Variants in BRD10 observed in about 807,000 individuals in gnomAD.
BRD10 encodes the protein bromodomain containing 10, also known as uncharacterized bromodomain-containing protein 10.
At chr9:5,952,502 GTGC>G in the BRD10 span, among the ~76,000 whole-genome samples, 2 of 152,136 alleles carry the variant, frequency 1.3e-5, no homozygotes, top group Admixed American at 6.5e-5. Context: ...ATATGTAATT[GTGC>G]TGATTTCTTT....
the BRD10 span, among the ~76,000 whole-genome samples, chr9:6,008,420 T>C: frequency 6.6e-6 from 1 of 151,602 alleles, no homozygotes; most frequent in Non-Finnish European, 1.5e-5. Flanking sequence ...GCCCCCCGGC[T>C]GGGAAGAGCT....
chr9:5,915,082 C>T, the BRD10 span, among the ~76,000 whole-genome samples: 13 of 152,106 alleles, frequency 8.5e-5, no homozygotes, highest in African/African-American at 3.1e-4. Flanking sequence ...GGAGGTAACA[C>T]TTTGTTCATG....
At chr9:5,919,619 T>C in the BRD10 span, 1 of 1,383,662 alleles carries the variant, frequency 7.2e-7, no homozygotes, top group South Asian at 1.5e-5. Context: ...TAATAAACAT[T>C]GAAAATTTTT....
chr9:5,932,931 T>C, the BRD10 span, among the ~76,000 whole-genome samples: 4 of 152,148 alleles, frequency 2.6e-5, no homozygotes, highest in Non-Finnish European at 4.4e-5. Flanking sequence ...ATAATTAAAA[T>C]AATAATGACC....
At chr9:6,008,455 C>A in the BRD10 span, among the ~76,000 whole-genome samples, 1 of 151,960 alleles carries the variant, frequency 6.6e-6, no homozygotes, top group Non-Finnish European at 1.5e-5. Flanking sequence ...AGAAAGAGGC[C>A]CTGTCGCCAT....
At chr9:5,952,386 T>C in the BRD10 span, among the ~76,000 whole-genome samples, 10 of 152,244 alleles carry the variant, frequency 6.6e-5, no homozygotes, top group African/African-American at 2.4e-4. Flanking sequence ...AGCAACACAT[T>C]TTACAATGCA....
At chr9:5,966,355 G>T in the BRD10 span, among the ~76,000 whole-genome samples, 6,840 of 151,472 alleles carry the variant, frequency 0.045, 412 homozygotes, top group African/African-American at 0.14. Flanking sequence ...AACAATAAAG[G>T]GTTCTGGGTT....
At chr9:5,997,314 A>AT in the BRD10 span, among the ~76,000 whole-genome samples, 1 of 152,204 alleles carries the variant, frequency 6.6e-6, no homozygotes, top group African/African-American at 2.4e-5. Context: ...CAAACTAGTG[A>AT]TTTTTATTGT....
the BRD10 span, among the ~76,000 whole-genome samples, chr9:5,974,944 T>G: frequency 6.6e-6 from 1 of 152,168 alleles, no homozygotes; most frequent in Non-Finnish European, 1.5e-5. Flanking sequence ...ATAATAAAGC[T>G]GTTTCCAACT....
chr9:5,951,843 C>T, the BRD10 span, among the ~76,000 whole-genome samples: 508 of 152,094 alleles, frequency 3.3e-3, 3 homozygotes, highest in African/African-American at 0.011. Context: ...AGACAGTTGC[C>T]AAGTTTCTTT....
At chr9:5,916,868 C>G in the BRD10 span, among the ~76,000 whole-genome samples, 1 of 152,054 alleles carries the variant, frequency 6.6e-6, no homozygotes, top group East Asian at 1.9e-4. Flanking sequence ...TTTACAGAAC[C>G]CTTAATAACA....
the BRD10 span, chr9:6,008,398 G>C: frequency 1.5e-6 from 1 of 673,514 alleles, no homozygotes; most frequent in African/African-American, 1.9e-5. Context: ...GAGAGAAGGG[G>C]GAGGGCACTC....
chr9:5,949,756 T>A, the BRD10 span, among the ~76,000 whole-genome samples: 2 of 152,184 alleles, frequency 1.3e-5, no homozygotes, highest in Non-Finnish European at 2.9e-5. Context: ...TAAAAATACT[T>A]CCTGTAACTT....
chr9:5,995,056 C>T, the BRD10 span, among the ~76,000 whole-genome samples: 6 of 152,112 alleles, frequency 3.9e-5, no homozygotes, highest in Non-Finnish European at 2.9e-5. Flanking sequence ...TATGCCACCA[C>T]GCCCGGCTAA....
the BRD10 span, among the ~76,000 whole-genome samples, chr9:5,998,752 C>T: frequency 6.6e-6 from 1 of 151,916 alleles, no homozygotes; most frequent in South Asian, 2.1e-4. Context: ...TAAAATAAGT[C>T]TTGGATATGA....
At chr9:5,993,311 T>C in the BRD10 span, among the ~76,000 whole-genome samples, 8 of 45,866 alleles carry the variant, frequency 1.7e-4, no homozygotes, top group Non-Finnish European at 1.0e-4. Flanking sequence ...TGAGACTCCA[T>C]TAAAAAAAAA....
At chr9:5,969,150 T>C in the BRD10 span, 1 of 1,613,920 alleles carries the variant, frequency 6.2e-7, no homozygotes, top group East Asian at 2.2e-5. Context: ...AAAGTAGGTC[T>C]TCGATGTAAG....
chr9:5,998,346 C>G, the BRD10 span, among the ~76,000 whole-genome samples: 1 of 151,998 alleles, frequency 6.6e-6, no homozygotes, highest in Non-Finnish European at 1.5e-5. Flanking sequence ...GCTAAAAAGT[C>G]TACATATATT....
chr9:5,952,609 T>TA, the BRD10 span, among the ~76,000 whole-genome samples: 1 of 152,232 alleles, frequency 6.6e-6, no homozygotes, highest in Non-Finnish European at 1.5e-5. Context: ...ACTGCAATTT[T>TA]AAAAAACACT....
Sources: gnomAD v4.1 joint callset for allele counts (sites outside exome capture counted in the v4.1 genomes callset) on GRCh38, gnomAD v4.1.1 for gene constraint, MANE v1.5 for transcripts, NCBI Gene and HGNC (gene_info 2026-07-23, HGNC 2026-07-21) for gene names.